Variants in TRIO observed in about 807,000 individuals in gnomAD.
TRIO encodes the protein trio Rho guanine nucleotide exchange factor.
Under a neutral mutation model 351.9 loss-of-function variants are expected in TRIO, and 58 were observed. The ratio of observed to expected loss-of-function variants is 0.16; its 90% CI spans 0.13 to 0.21. The LOEUF (loss-of-function observed/expected upper bound fraction) is 0.21, where lower values mean the gene tolerates loss of function less well. Ranked by LOEUF, TRIO falls within the 10% of genes least tolerant of loss-of-function variation. The pLI, the probability that TRIO is intolerant of heterozygous loss-of-function variation, is 1.00. For synonymous variants in TRIO, 1,758 were observed against 1,595.7 expected, an observed-to-expected ratio of 1.10 and a Z score of -2.42; for missense variants, 3,201 against 4,027.8, an observed-to-expected ratio of 0.79 and a Z score of 5.56.
chr5:14,353,063 T>C (rs1743283174), intron 11 of TRIO, among the ~76,000 whole-genome samples: 1 of 152,144 alleles, frequency 6.6e-6, no homozygotes, highest in South Asian at 2.1e-4. Flanking sequence ...TGTGGGATGA[T>C]GTTAAGTTTA....
intron 34 of TRIO, among the ~76,000 whole-genome samples, chr5:14,450,515 C>T (rs1752778767): frequency 6.6e-6 from 1 of 151,854 alleles, no homozygotes; most frequent in African/African-American, 2.4e-5. Flanking sequence ...CTGTGTTGGG[C>T]CTCTGGTTGA....
chr5:14,322,115 C>T (rs1739944112), intron 9 of TRIO, among the ~76,000 whole-genome samples: 1 of 152,102 alleles, frequency 6.6e-6, no homozygotes, highest in African/African-American at 2.4e-5. Context: ...ACAGAGACAG[C>T]CATCAGTGTT....
chr5:14,341,075 A>G (rs760272233), intron 11 of TRIO, among the ~76,000 whole-genome samples: 1 of 152,156 alleles, frequency 6.6e-6, no homozygotes, highest in African/African-American at 2.4e-5. Flanking sequence ...TTGGCCTGAC[A>G]TAAGTTTGGG....
chr5:14,389,556 C>T (rs1422079439), intron 25 of TRIO, among the ~76,000 whole-genome samples, 158 bp downstream of exon 25: 1 of 152,206 alleles, frequency 6.6e-6, no homozygotes, highest in African/African-American at 2.4e-5. Context: ...GACTGACATT[C>T]TAGAAATTCT....
chr5:14,386,715 G>A (rs1277169549), intron 21 of TRIO, among the ~76,000 whole-genome samples: 1 of 152,234 alleles, frequency 6.6e-6, no homozygotes, highest in African/African-American at 2.4e-5. Flanking sequence ...TTGTATGGTT[G>A]TCTGTGTATC....
intron 37 of TRIO, among the ~76,000 whole-genome samples, chr5:14,470,419 T>C (rs530813229): frequency 9.8e-5 from 15 of 152,364 alleles, no homozygotes; most frequent in African/African-American, 3.6e-4. Context: ...TTCAATCATA[T>C]CTATATATCC....
chr5:14,465,341 G>C (rs1038910471), intron 36 of TRIO, among the ~76,000 whole-genome samples: 1 of 152,180 alleles, frequency 6.6e-6, no homozygotes, highest in African/African-American at 2.4e-5. Context: ...ATGTATCTCA[G>C]ACAGGTTTTA....
At chr5:14,455,198 A>C (rs1335545151) in intron 34 of TRIO, among the ~76,000 whole-genome samples, 1 of 152,148 alleles carries the variant, frequency 6.6e-6, no homozygotes, top group Non-Finnish European at 1.5e-5. Flanking sequence ...TGGCTTGGGC[A>C]GCCTGCTTTT....
At chr5:14,172,702 T>C (rs1276546548) in intron 1 of TRIO, among the ~76,000 whole-genome samples, 1 of 152,196 alleles carries the variant, frequency 6.6e-6, no homozygotes, top group Admixed American at 6.5e-5. Context: ...TTCAAGACCA[T>C]TGGATTCAGT....
chr5:14,315,699 C>T (rs1042322113), intron 8 of TRIO, among the ~76,000 whole-genome samples: 3 of 152,152 alleles, frequency 2.0e-5, no homozygotes, highest in African/African-American at 4.8e-5. Context: ...CTGATTGTCA[C>T]TTTTTTTCCC....
chr5:14,486,560 A>G (rs1427864806), intron 47 of TRIO, among the ~76,000 whole-genome samples: 1 of 152,196 alleles, frequency 6.6e-6, no homozygotes, highest in African/African-American at 2.4e-5. Flanking sequence ...GTTCCAATCC[A>G]TAGCTTGGAA....
chr5:14,420,372 C>T (rs1271915712), intron 34 of TRIO: 1 of 228,026 alleles, frequency 4.4e-6, no homozygotes, highest in Non-Finnish European at 8.8e-6. Context: ...AGGCCATCCC[C>T]TGGCTCCAGA....
At chr5:14,336,487 G>GTCTGCTTT (rs1343669406) in intron 10 of TRIO, 49 bp from the exon 11 acceptor site, 9 of 1,595,706 alleles carry the variant, frequency 5.6e-6, no homozygotes, top group Non-Finnish European at 6.9e-6. Context: ...AGCCTGGCTG[G>GTCTGCTTT]TCTGCTTTTC....
intron 37 of TRIO, among the ~76,000 whole-genome samples, chr5:14,467,155 T>C (rs2126530677): frequency 6.6e-6 from 1 of 152,348 alleles, no homozygotes; most frequent in East Asian, 1.9e-4. Context: ...TTCCCATATT[T>C]CTCTGAACAT....
intron 47 of TRIO, 113 bp from the exon 48 acceptor site, chr5:14,487,351 C>T (rs1047228935): frequency 2.8e-6 from 3 of 1,057,132 alleles, no homozygotes; most frequent in African/African-American, 1.7e-5. Context: ...GCTCTGCGCC[C>T]CTGCACGGGG....
rs1207874883 is a variant in TRIO at position 14,291,024 on chromosome 5, T to A, written c.849T>A (p.Leu283=). The part of the protein sequence containing the change: ...EDLDLEGQKL[L]QRIQSSESFP... Reference sequence around the variant, plus strand: ...TGGATTTGGAGGGACAGAAGCTGCTTCAGAGGATACAGAGCAGTGAAAGCT... The same window carrying A: ...TGGATTTGGAGGGACAGAAGCTGCTACAGAGGATACAGAGCAGTGAAAGCT... The change falls in exon 5 of 57, where the codon CTT becomes CTA. Residue 283 remains leucine, a synonymous_variant. Transcript: ENST00000344204. 2 of 1,614,144 alleles carry A rather than the reference T, an allele frequency of 1.2e-6. No homozygotes were observed. The highest frequency in any genetic ancestry group is 1.7e-6 in the Non-Finnish European group (2 of 1,180,016).
chr5:14,454,612 G>T (rs978637112), intron 34 of TRIO, among the ~76,000 whole-genome samples: 1 of 152,166 alleles, frequency 6.6e-6, no homozygotes, highest in African/African-American at 2.4e-5. Flanking sequence ...CATTTATTCA[G>T]TGTATACTCA....
At chr5:14,158,922 G>A (rs545468857) in intron 1 of TRIO, among the ~76,000 whole-genome samples, 32 of 152,320 alleles carry the variant, frequency 2.1e-4, no homozygotes, top group African/African-American at 6.7e-4. Flanking sequence ...GTTATTGAGT[G>A]TTTACTATGT....
chr5:14,457,072 A>G (rs1369412123), intron 34 of TRIO, among the ~76,000 whole-genome samples: 1 of 152,186 alleles, frequency 6.6e-6, no homozygotes, highest in African/African-American at 2.4e-5. Context: ...TGAAGAATTG[A>G]GCATTCTTGT....
Sources: gnomAD v4.1 joint callset for allele counts (sites outside exome capture counted in the v4.1 genomes callset) on GRCh38, gnomAD v4.1.1 for gene constraint, MANE v1.5 for transcripts, NCBI Gene and HGNC (gene_info 2026-07-23, HGNC 2026-07-21) for gene names.